The following SLC35H1 variants were observed in gnomAD, a reference collection of about 807,000 sequenced individuals.
SLC35H1 encodes the protein solute carrier family 35 member H1.
At chr20:46,355,796 C>A in the SLC35H1 span, 30 of 1,613,852 alleles carry the variant, frequency 1.9e-5, no homozygotes, top group African/African-American at 2.5e-4. This position sits in a 1 kb window ranked among gnomAD's most constrained non-coding sequence, Gnocchi z 4.8. Flanking sequence ...GACGCTGGGG[C>A]CTCACCAGCT....
chr20:46,350,930 A>T, the SLC35H1 span: 1 of 1,610,676 alleles, frequency 6.2e-7, no homozygotes, highest in Non-Finnish European at 8.5e-7. Flanking sequence ...ATCAACAGGC[A>T]GATTTGGCTG....
the SLC35H1 span, chr20:46,355,823 C>T: frequency 2.5e-6 from 4 of 1,613,950 alleles, no homozygotes; most frequent in Non-Finnish European, 3.4e-6. This position sits in a 1 kb window ranked among gnomAD's most constrained non-coding sequence, Gnocchi z 4.8. Flanking sequence ...GCTTGAAGAT[C>T]AGAGAGAAGA....
the SLC35H1 span, chr20:46,355,733 G>A: frequency 6.2e-7 from 1 of 1,608,474 alleles, no homozygotes; most frequent in East Asian, 2.2e-5. The surrounding 1 kb of genome is among the most constrained non-coding windows in gnomAD (Gnocchi z 4.8). Flanking sequence ...ACAAGCCACT[G>A]CTCAGACTCC....
At chr20:46,351,827 C>T in the SLC35H1 span, among the ~76,000 whole-genome samples, 1 of 152,174 alleles carries the variant, frequency 6.6e-6, no homozygotes, top group African/African-American at 2.4e-5. Context: ...CCATCTGTGT[C>T]CCTGTCTGTG....
chr20:46,363,984 C>G, the SLC35H1 span: 1 of 152,330 alleles, frequency 6.6e-6, no homozygotes, highest in East Asian at 1.9e-4. Flanking sequence ...CTCCAATGCC[C>G]CACCCCTCCC....
chr20:46,350,358 G>A, the SLC35H1 span: 2 of 1,568,736 alleles, frequency 1.3e-6, no homozygotes, highest in South Asian at 2.3e-5. Context: ...AGCAGGCTGG[G>A]GAGTGGCCTG....
the SLC35H1 span, chr20:46,357,600 C>T: frequency 1.2e-4 from 191 of 1,608,762 alleles, 1 homozygote; most frequent in South Asian, 2.0e-3. Context: ...CCTGCTCTGC[C>T]CTCACTGAGG....
chr20:46,357,519 G>T, the SLC35H1 span: 3 of 1,350,844 alleles, frequency 2.2e-6, no homozygotes, highest in South Asian at 2.6e-5. Flanking sequence ...TGCAGGAAGA[G>T]GGGAGGGACT....
At chr20:46,348,242 G>C in the SLC35H1 span, 1 of 152,202 alleles carries the variant, frequency 6.6e-6, no homozygotes, top group Non-Finnish European at 1.5e-5. Flanking sequence ...GGCTGTCATT[G>C]AACCCAACAT....
chr20:46,356,282 T>G, the SLC35H1 span, among the ~76,000 whole-genome samples: 1 of 152,198 alleles, frequency 6.6e-6, no homozygotes, highest in Admixed American at 6.5e-5. Flanking sequence ...TGGCCACCTG[T>G]CTGTGGCCTT....
At chr20:46,355,121 C>T in the SLC35H1 span, 1 of 1,614,130 alleles carries the variant, frequency 6.2e-7, no homozygotes, top group Non-Finnish European at 8.5e-7. The surrounding 1 kb of genome is among the most constrained non-coding windows in gnomAD (Gnocchi z 4.8). Context: ...CAGCGAATGC[C>T]ACCGATGAAC....
chr20:46,362,033 A>G, the SLC35H1 span, among the ~76,000 whole-genome samples: 3 of 152,194 alleles, frequency 2.0e-5, no homozygotes, highest in African/African-American at 7.2e-5. Context: ...ATAAGTCCCT[A>G]TGGCTACCCC....
At chr20:46,361,952 C>T in the SLC35H1 span, among the ~76,000 whole-genome samples, 23 of 152,294 alleles carry the variant, frequency 1.5e-4, no homozygotes, top group Middle Eastern at 3.4e-3. Flanking sequence ...ACTGCAACAC[C>T]GCAACACCCT....
At chr20:46,356,866 G>A in the SLC35H1 span, among the ~76,000 whole-genome samples, 8 of 152,302 alleles carry the variant, frequency 5.3e-5, no homozygotes, top group Admixed American at 1.3e-4. Flanking sequence ...TGGCTGGGCC[G>A]GTATGGTTTC....
the SLC35H1 span, chr20:46,356,742 C>T: frequency 1.6e-5 from 17 of 1,088,740 alleles, no homozygotes; most frequent in South Asian, 8.2e-5. Context: ...TGAACCATCC[C>T]GGTGCCTCCT....
the SLC35H1 span, among the ~76,000 whole-genome samples, chr20:46,353,732 A>T: frequency 3.4e-4 from 51 of 152,118 alleles, no homozygotes; most frequent in Non-Finnish European, 5.4e-4. Context: ...CCAAGTGACG[A>T]CTACCAGGGG....
At chr20:46,349,164 C>G in the SLC35H1 span, 7 of 152,266 alleles carry the variant, frequency 4.6e-5, no homozygotes, top group Non-Finnish European at 1.0e-4. Flanking sequence ...ATGGCGCCAC[C>G]TGCTGTGAGT....
the SLC35H1 span, chr20:46,355,823 CAG>C: frequency 5.0e-6 from 8 of 1,613,950 alleles, no homozygotes; most frequent in Non-Finnish European, 6.8e-6. This position sits in a 1 kb window ranked among gnomAD's most constrained non-coding sequence, Gnocchi z 4.8. Context: ...GCTTGAAGAT[CAG>C]AGAGAAGATC....
At chr20:46,352,074 G>T in the SLC35H1 span, 1 of 1,614,224 alleles carries the variant, frequency 6.2e-7, no homozygotes, top group Admixed American at 1.7e-5. Context: ...GCAATGGAGA[G>T]AGTGAGGCTG....
Sources: gnomAD v4.1 joint callset for allele counts (sites outside exome capture counted in the v4.1 genomes callset) on GRCh38, gnomAD v4.1.1 for gene constraint, Gnocchi (gnomAD v3.1) non-coding constraint, MANE v1.5 for transcripts, NCBI Gene and HGNC (gene_info 2026-07-23, HGNC 2026-07-21) for gene names.